The following PRDM8 variants were observed in gnomAD, a reference collection of about 807,000 sequenced individuals.
PRDM8 encodes PR/SET domain 8.
Under a neutral mutation model 46.5 loss-of-function variants are expected in PRDM8, and 13 were observed. The observed-to-expected ratio is 0.28, with a 90% confidence interval of 0.18 to 0.44. PRDM8 has a LOEUF of 0.44. PRDM8 is among the 20% of genes least tolerant of loss of function. The pLI is 1.00. For missense variants in PRDM8, 998 were observed against 955.0 expected (o/e 1.04, Z -0.59); for synonymous variants, 473 against 438.4 (o/e 1.08, Z -0.98).
At position 80,203,589 on chromosome 4, in the gene PRDM8, G is replaced by A. The variant is rs1479732434; in HGVS notation, c.*57G>A. 3.3e-6 allele frequency: 5 copies of A among 1,518,298 alleles called. No homozygotes were observed. Among genetic ancestry groups the A allele is most frequent in the African/African-American group, 1.4e-5 (1 of 72,506 alleles). 94.1% of individuals were successfully genotyped at this position (1,518,298 alleles called of 1,614,324 possible). On this transcript the variant is annotated 3_prime_UTR_variant, in exon 4 of 4. Coordinates refer to ENST00000415738, the MANE Select transcript of PRDM8 (RefSeq NM_001099403.2). ...GCAAGCACAGTTAAGCCACCTGCAG[G>A]AATAAACACGCGAGAACATCCACCG...
chr4:80,201,450 T>C lies in PRDM8; in HGVS notation c.380T>C (p.Leu127Pro). 6.2e-7 allele frequency: 1 copy of C among 1,614,224 alleles called. No homozygotes were observed. Among genetic ancestry groups the C allele is most frequent in the Non-Finnish European group, 8.5e-7 (1 of 1,180,030 alleles). Residue 127 changes from leucine (L) to proline (P), a missense_variant, in exon 3 of 4, where the codon CTA (leucine) becomes CCA (proline). By Grantham distance (98) the Leu-to-Pro change is moderately conservative. Coordinates refer to ENST00000415738, the MANE Select transcript of PRDM8 (RefSeq NM_001099403.2). ...LRRIAKDEELLVWYGKELTEL... is the reference protein window; with the variant it reads ...LRRIAKDEELPVWYGKELTEL... The stretch of plus-strand genomic sequence containing the variant: ...AGGATTGCCAAAGACGAGGAGTTAC[T>C]AGTTTGGTACGGGAAAGAACTGACT...
Position 80,202,004 on chromosome 4 carries a change from G to T in PRDM8, c.542G>T (p.Arg181Ile). ...VAHLRFRCPKRLHSADISPQD... is the reference protein window; with the variant it reads ...VAHLRFRCPKILHSADISPQD... ...CATCTGCGTTTCCGCTGCCCCAAGA[G>T]ACTTCACAGCGCTGATATAAGTCCC... is the stretch of plus-strand genomic sequence containing the variant. The change falls in exon 4 of 4, where the codon AGA becomes ATA. Residue 181 changes from arginine to isoleucine, a missense_variant. Arg to Ile is a moderately conservative substitution (Grantham distance 97). Coordinates refer to ENST00000415738, the MANE Select transcript of PRDM8 (RefSeq NM_001099403.2). 4 of 1,614,112 alleles carry T rather than the reference G, an allele frequency of 2.5e-6. No individual in the cohort carries two copies. Among genetic ancestry groups the T allele is most frequent in the Non-Finnish European group, 3.4e-6 (4 of 1,180,008 alleles).
rs758791845 is a variant in PRDM8 at position 80,202,117 on chromosome 4, G to C, written c.655G>C (p.Ala219Pro). 9 of 1,610,792 alleles carry C rather than the reference G, an allele frequency of 5.6e-6. No individual in the cohort carries two copies. The highest frequency in any genetic ancestry group is 8.5e-7 in the Non-Finnish European group (1 of 1,179,068). The stretch of plus-strand genomic sequence containing the variant: ...AGACCAGCAGCAGCAGCAGCAGGAG[G>C]CACCTTTAGGCCCGGGTCCCAAGTT... ...GKDQQQQQQE[A>P]PLGPGPKFCK... The change falls in exon 4 of 4, where the codon GCA (alanine) becomes CCA (proline). Residue 219 changes from alanine (A) to proline (P), a missense_variant. Coordinates refer to ENST00000415738, the MANE Select transcript of PRDM8 (RefSeq NM_001099403.2).
In PRDM8 at chr4:80,202,198, C is replaced by A. The variant is rs1330185577; in HGVS notation, c.736C>A (p.Pro246Thr). The A allele has an allele frequency of 6.2e-7, 1 of 1,612,076 alleles. No homozygotes were observed. The highest frequency in any genetic ancestry group is 2.2e-5 in the East Asian group (1 of 44,764). Residue 246 changes from proline to threonine, a missense_variant, in exon 4 of 4, where the codon CCA becomes ACA. Transcript: ENST00000415738. ...ATCCCCCTCCCCGGAAAGCAGCAAC[C>A]CATCCGCTGCCGCCGGCGGCAGCAG... ...YPSPSPESSN[P>T]SAAAGGSSAK...
rs541380715 is a variant in PRDM8 at position 80,203,668 on chromosome 4, GC to G, written c.*143del. 1.5e-6 allele frequency: 2 copies of G among 1,294,732 alleles called. No homozygotes were observed. 80.2% of individuals were successfully genotyped at this position (1,294,732 alleles called of 1,614,324 possible). A position where few individuals can be genotyped will look rare whatever the true frequency, so the allele number is the denominator to read the frequency against. On this transcript the variant is annotated 3_prime_UTR_variant, in exon 4 of 4. Coordinates refer to ENST00000415738, the MANE Select transcript of PRDM8 (RefSeq NM_001099403.2). ...AGACACATACATTCACCGCCCCCCC[GC>G]CCCCCCAACGCGCACACACACGTCC...
rs773215869 is a variant in PRDM8 at position 80,203,297 on chromosome 4, T to C, written c.1835T>C (p.Leu612Pro). The change falls in exon 4 of 4, where the codon CTG becomes CCG. Residue 612 changes from leucine (L) to proline (P), a missense_variant. Transcript: ENST00000415738. Reference sequence around the variant, plus strand: ...CAGCTGCCCTCGGCGCTCACGCTGCTGCCGCCCTCCTTCACCTCGCTGTGT... The same window carrying C: ...CAGCTGCCCTCGGCGCTCACGCTGCCGCCGCCCTCCTTCACCTCGCTGTGT... ...QLQLPSALTL[L>P]PPSFTSLCLP... The C allele has an allele frequency of 1.9e-6, 3 of 1,609,856 alleles. No individual in the cohort carries two copies. The highest frequency in any genetic ancestry group is 4.5e-5 in the East Asian group (2 of 44,694).
In PRDM8 at chr4:80,202,063, G is replaced by A. The variant is rs1345677184; in HGVS notation, c.601G>A (p.Asp201Asn). The change falls in exon 4 of 4, where the codon GAC (aspartate) becomes AAC (asparagine). Residue 201 changes from aspartate to asparagine, a missense_variant. Physicochemically the swap from Asp to Asn is conservative, Grantham distance 23. Transcript: ENST00000415738. ...DEQGGGVGTKDHGGGGGGGKD... is the reference protein window; with the variant it reads ...DEQGGGVGTKNHGGGGGGGKD... ...ACAAGGCGGCGGCGTGGGCACCAAGGACCACGGGGGCGGCGGCGGCGGTGG... is the reference window on the plus strand; with the variant it reads ...ACAAGGCGGCGGCGTGGGCACCAAGAACCACGGGGGCGGCGGCGGCGGTGG... The A allele has an allele frequency of 2.5e-6, 4 of 1,613,682 alleles. No individual in the cohort carries two copies. Among genetic ancestry groups the A allele is most frequent in the Admixed American group, 3.3e-5 (2 of 59,988 alleles).
At chr4:80,187,253 G>GGGGGGA (rs1274120651) in intron 1 of PRDM8, among the ~76,000 whole-genome samples, 3 of 140,766 alleles carry the variant, frequency 2.1e-5, no homozygotes, top group Admixed American at 7.0e-5. Context: ...CTGGGGCGGG[G>GGGGGGA]GGAAGCAGAA....
chr4:80,197,436 T>G (rs1738047652), upstream of PRDM8: 1 of 985,540 alleles, frequency 1.0e-6, no homozygotes, highest in South Asian at 4.7e-5. Flanking sequence ...GGAGGGGACG[T>G]GGGCTGTCAC....
Position 80,202,450 on chromosome 4 carries a change from G to C in PRDM8, c.988G>C (p.Val330Leu), listed in dbSNP as rs753912583. ...AAEGGGGAGL[V>L]GGRGRFVERP... ...GGAGGGCGGCGGTGGCGCTGGTCTG[G>C]TAGGGGGCCGGGGCCGCTTCGTAGA... The change falls in exon 4 of 4, where the codon GTA becomes CTA. Residue 330 changes from valine (V) to leucine (L), a missense_variant. Val to Leu is a conservative substitution (Grantham distance 32). Transcript: ENST00000415738. 5.8e-6 allele frequency: 9 copies of C among 1,545,820 alleles called. No individual in the cohort carries two copies. Among genetic ancestry groups the C allele is most frequent in the Non-Finnish European group, 1.7e-6 (2 of 1,146,564 alleles).
Position 80,203,222 on chromosome 4 carries a change from C to G in PRDM8, c.1760C>G (p.Ala587Gly). ...ACCGCCTTCTGGCCCAAGAGCTCCG[C>G]TGCCGCTGCAGCCGCGGCTGCGGCG... ...YATAFWPKSS[A>G]AAAAAAAAAA... The change falls in exon 4 of 4, where the codon GCT (alanine) becomes GGT (glycine). Residue 587 changes from alanine to glycine, a missense_variant. By Grantham distance (60) the Ala-to-Gly change is moderately conservative. Transcript: ENST00000415738. The G allele has an allele frequency of 6.4e-7, 1 of 1,554,294 alleles. No homozygotes were observed.
chr4:80,192,453 C>T (rs1737624058), intron 2 of PRDM8, among the ~76,000 whole-genome samples: 1 of 152,152 alleles, frequency 6.6e-6, no homozygotes, highest in Non-Finnish European at 1.5e-5. Context: ...CTCAAAATTT[C>T]ATTTGAGACT....
chr4:80,199,715 G>GTA (rs1738282595), intron 1 of PRDM8, among the ~76,000 whole-genome samples: 1 of 134,210 alleles, frequency 7.5e-6, no homozygotes, highest in South Asian at 2.4e-4. Context: ...ATATATGTGT[G>GTA]TGTGTGTGTG....
chr4:80,194,208 G>A (rs1578249466), upstream of PRDM8: 1 of 982,684 alleles, frequency 1.0e-6, no homozygotes. Context: ...TTTTTGCCAG[G>A]ACTCCAAAGA....
At position 80,203,289 on chromosome 4, in the gene PRDM8, C is replaced by T. The variant is rs1361917424; in HGVS notation, c.1827C>T (p.Leu609=). ...GPLQLQLPSA[L]TLLPPSFTSL... is the part of the protein sequence containing the mutation. Reference sequence around the variant, plus strand: ...TGCAGCTGCAGCTGCCCTCGGCGCTCACGCTGCTGCCGCCCTCCTTCACCT... The same window carrying T: ...TGCAGCTGCAGCTGCCCTCGGCGCTTACGCTGCTGCCGCCCTCCTTCACCT... Residue 609 remains leucine (L), a synonymous_variant, in exon 4 of 4, where the codon CTC becomes CTT. Coordinates refer to ENST00000415738, the MANE Select transcript of PRDM8 (RefSeq NM_001099403.2). 6.2e-7 allele frequency: 1 copy of T among 1,605,794 alleles called. No individual in the cohort carries two copies. Among genetic ancestry groups the T allele is most frequent in the Admixed American group, 1.7e-5 (1 of 59,322 alleles).
Position 80,203,508 on chromosome 4 carries a change from C to T in PRDM8, c.2046C>T (p.Ser682=). The T allele has an allele frequency of 2.5e-6, 4 of 1,612,462 alleles. No individual in the cohort carries two copies. Among genetic ancestry groups the T allele is most frequent in the South Asian group, 1.1e-5 (1 of 90,662 alleles). ...CCTTCAGGGAGCGCCACCACCTCTC[C>T]AGGCACATGACCTCGCATAATTGAC... ...NESFRERHHL[S]RHMTSHN The change falls in exon 4 of 4, where the codon TCC becomes TCT. Residue 682 remains serine (S), a synonymous_variant. Transcript: ENST00000415738.
At chr4:80,186,456 A>AGAGAGAGAGAGAG (rs1553902893) in intron 1 of PRDM8, among the ~76,000 whole-genome samples, 1 of 148,754 alleles carries the variant, frequency 6.7e-6, no homozygotes, top group African/African-American at 2.5e-5. Flanking sequence ...AGAGAGAGAG[A>AGAGAGAGAGAGAG]TTGATTGTCA....
rs1738764964 is a variant in PRDM8, at chr4:80,203,675, C to CA, written c.*145dup. 1 of 1,389,434 alleles carries CA rather than the reference C, an allele frequency of 7.2e-7. No homozygotes were observed. The highest frequency in any genetic ancestry group is 2.9e-5 in the Admixed American group (1 of 34,356). 86.1% of individuals were successfully genotyped at this position (1,389,434 alleles called of 1,614,324 possible). A position where few individuals can be genotyped will look rare whatever the true frequency, so the allele number is the denominator to read the frequency against. On this transcript the variant is annotated 3_prime_UTR_variant, in exon 4 of 4. Coordinates refer to ENST00000415738, the MANE Select transcript of PRDM8 (RefSeq NM_001099403.2). The stretch of plus-strand genomic sequence containing the variant: ...TACATTCACCGCCCCCCCGCCCCCC[C>CA]AACGCGCACACACACGTCCTCTCCT...
At chr4:80,187,247 G>GGT (rs140564610) in intron 1 of PRDM8, among the ~76,000 whole-genome samples, 25,532 of 119,836 alleles carry the variant, frequency 0.21, 5,259 homozygotes, top group East Asian at 0.6. Flanking sequence ...TCTGCCCTGG[G>GGT]GCGGGGGGAA....
Sources: gnomAD v4.1 joint callset for allele counts (sites outside exome capture counted in the v4.1 genomes callset) on GRCh38, gnomAD v4.1.1 for gene constraint, MANE v1.5 for transcripts, NCBI Gene and HGNC (gene_info 2026-07-23, HGNC 2026-07-21) for gene names.